The following THADA variants were observed in gnomAD, a reference collection of about 807,000 sequenced individuals.
The protein encoded by THADA is tRNA (32-2'-O)-methyltransferase regulator THADA.
THADA carries 213 observed loss-of-function variants against 219.8 expected under a neutral mutation model. That is an observed-to-expected ratio of 0.97 (90% CI 0.87 to 1.09). THADA has a LOEUF of 1.09. THADA is among the 50% of genes least tolerant of loss of function. The probability of loss-of-function intolerance (pLI) is 0.00; values close to 1 mark genes in which losing one functional copy is unlikely to be tolerated. For synonymous variants in THADA, 1,018 were observed against 828.9 expected (o/e 1.23, Z -3.92); for missense variants, 2,956 against 2,311.3 (o/e 1.28, Z -5.72).
Position 43,231,194 on chromosome 2 carries a change from T to C in THADA, c.5616A>G (p.Gln1872=). The C allele has an allele frequency of 6.2e-7, 1 of 1,613,826 alleles. No individual in the cohort carries two copies. The change falls in exon 38 of 38, where the codon CAA becomes CAG. Residue 1872 remains glutamine, a synonymous_variant. Transcript: ENST00000405975. ...GGTGGCACTGCTCTGACACCATCCTTTGAAGGTGACAGAGCATCTCAGGGC... is the reference window on the plus strand; with the variant it reads ...GGTGGCACTGCTCTGACACCATCCTCTGAAGGTGACAGAGCATCTCAGGGC... ...PPSPEMLCHL[Q]RMVSEQCHLL...
intron 21 of THADA, among the ~76,000 whole-genome samples, chr2:43,534,659 T>C (rs891831500): frequency 6.6e-6 from 1 of 152,244 alleles, no homozygotes; most frequent in Admixed American, 6.5e-5. Flanking sequence ...TTCTTTATTA[T>C]GGCTGAATAG....
intron 26 of THADA, among the ~76,000 whole-genome samples, chr2:43,471,828 G>A (rs1684941713): frequency 6.6e-6 from 1 of 152,048 alleles, no homozygotes; most frequent in South Asian, 2.1e-4. Context: ...TGTGCCTGTT[G>A]GTTTTTGTTT....
At position 43,428,090 on chromosome 2, in the gene THADA, A is replaced by T; in HGVS notation, c.4058+10T>A. ...CCAACCTAGACAATTTCTACACAGC[A>T]TGACACTACCTCATAATGAAGGGAA... On this transcript the variant is annotated intron_variant, in intron 28 of 37. Coordinates refer to ENST00000405975, the MANE Select transcript of THADA (RefSeq NM_022065.5). 1 of 1,600,690 alleles carries T rather than the reference A, an allele frequency of 6.2e-7. No homozygotes were observed. The highest frequency in any genetic ancestry group is 1.1e-5 in the South Asian group (1 of 89,916).
At chr2:43,261,988 T>A (rs1364956063) in intron 36 of THADA, among the ~76,000 whole-genome samples, 1 of 152,192 alleles carries the variant, frequency 6.6e-6, no homozygotes, top group Non-Finnish European at 1.5e-5. Context: ...GCAAGGCTGG[T>A]CTTGAACTCC....
intron 30 of THADA, among the ~76,000 whole-genome samples, chr2:43,321,445 T>C (rs1395685093): frequency 1.3e-5 from 2 of 152,218 alleles, no homozygotes; most frequent in Non-Finnish European, 2.9e-5. Flanking sequence ...AATGCTATTG[T>C]AACACTGTTA....
chr2:43,515,002 A>ATT (rs1231311446), intron 22 of THADA, among the ~76,000 whole-genome samples: 1 of 32,678 alleles, frequency 3.1e-5, no homozygotes, highest in African/African-American at 1.0e-4. Flanking sequence ...AATATATAAT[A>ATT]TTATATATAT....
chr2:43,273,049 G>A (rs1043478254), intron 36 of THADA, among the ~76,000 whole-genome samples: 1 of 152,172 alleles, frequency 6.6e-6, no homozygotes, highest in East Asian at 1.9e-4. Flanking sequence ...AGGAGTTCAA[G>A]ACCAGCCTGG....
chr2:43,284,961 C>T (rs181160713), intron 35 of THADA, among the ~76,000 whole-genome samples: 3 of 152,274 alleles, frequency 2.0e-5, no homozygotes, highest in East Asian at 1.9e-4. Context: ...GCATGGGGCC[C>T]GTAGACCCTT....
At chr2:43,255,991 T>A (rs1041984600) in intron 36 of THADA, among the ~76,000 whole-genome samples, 1 of 152,202 alleles carries the variant, frequency 6.6e-6, no homozygotes, top group Non-Finnish European at 1.5e-5. Flanking sequence ...AGGTGAACTA[T>A]TGAAAGAGCC....
intron 31 of THADA, among the ~76,000 whole-genome samples, chr2:43,310,207 C>A (rs1677327696): frequency 1.1e-5 from 1 of 88,396 alleles, no homozygotes; most frequent in Non-Finnish European, 2.2e-5. Context: ...TCCTCCCTCC[C>A]TCCCTCCCTC....
At chr2:43,530,800 C>CA (rs1389647183) in intron 21 of THADA, among the ~76,000 whole-genome samples, 1 of 152,136 alleles carries the variant, frequency 6.6e-6, no homozygotes, top group African/African-American at 2.4e-5. Flanking sequence ...TAATAAAAAT[C>CA]AAAGACCTCA....
chr2:43,463,955 A>C (rs942687034), intron 26 of THADA, among the ~76,000 whole-genome samples: 1 of 152,196 alleles, frequency 6.6e-6, no homozygotes, highest in Non-Finnish European at 1.5e-5. Flanking sequence ...CTATTTTATT[A>C]GTTATTTTGA....
rs780186214 is a variant in THADA at position 43,230,904 on chromosome 2, G to C, written c.*44C>G. On this transcript the variant is annotated 3_prime_UTR_variant, in exon 38 of 38. Transcript: ENST00000405975. ...ACATGTTTCCTGCAGATTTAGTGGA[G>C]GAAAAATCCACACATACCCCCATCC... is the stretch of plus-strand genomic sequence containing the variant. 2.6e-6 allele frequency: 4 copies of C among 1,533,972 alleles called. No individual in the cohort carries two copies. The African/African-American group carries it at 4.2e-5, about 16-fold the overall frequency.
chr2:43,369,593 G>A (rs978835632), intron 29 of THADA, among the ~76,000 whole-genome samples: 2 of 152,136 alleles, frequency 1.3e-5, no homozygotes, highest in African/African-American at 4.8e-5. Flanking sequence ...ACAAGAATCA[G>A]TTAGGTTGCT....
chr2:43,591,678 T>A (rs756106494), intron 3 of THADA, among the ~76,000 whole-genome samples: 1 of 152,228 alleles, frequency 6.6e-6, no homozygotes, highest in Admixed American at 6.5e-5. Context: ...TGAAGATTCA[T>A]ATATTTTAAA....
At chr2:43,585,403 A>T (rs939167034) in intron 7 of THADA, among the ~76,000 whole-genome samples, 1 of 151,686 alleles carries the variant, frequency 6.6e-6, no homozygotes, top group African/African-American at 2.4e-5. Flanking sequence ...CTGTAGTCCC[A>T]GCTACTTGGG....
intron 31 of THADA, among the ~76,000 whole-genome samples, chr2:43,299,458 A>C (rs368559729): frequency 6.6e-6 from 1 of 152,012 alleles, no homozygotes. Context: ...CAGGAGTTTG[A>C]GACCAACCTG....
At chr2:43,407,918 G>C (rs1040691976) in intron 28 of THADA, among the ~76,000 whole-genome samples, 12 of 150,472 alleles carry the variant, frequency 8.0e-5, no homozygotes, top group Admixed American at 7.9e-4. Flanking sequence ...AAAATGTCCT[G>C]TGCCAATTTT....
rs769583799 is a variant in THADA, at chr2:43,292,174, T to C, written c.4867A>G (p.Thr1623Ala). 3.1e-6 allele frequency: 5 copies of C among 1,612,352 alleles called. No homozygotes were observed. Among genetic ancestry groups the C allele is most frequent in the Non-Finnish European group, 4.2e-6 (5 of 1,179,360 alleles). The change falls in exon 33 of 38, where the codon ACG becomes GCG. Residue 1623 changes from threonine (T) to alanine (A), a missense_variant. Transcript: ENST00000405975. ...GGGGTCAGATGGACACAGTGCTCCGTCTGGGGAAGCCACTCACCAGGGTCC... is the reference window on the plus strand; with the variant it reads ...GGGGTCAGATGGACACAGTGCTCCGCCTGGGGAAGCCACTCACCAGGGTCC... Reference protein sequence around the residue: ...CMDPGEWLPQTEHCVHLTPKE... With the variant: ...CMDPGEWLPQAEHCVHLTPKE...
Sources: allele counts gnomAD v4.1 joint callset (sites outside exome capture counted in the v4.1 genomes callset), GRCh38; gene constraint gnomAD v4.1.1; transcripts MANE v1.5; gene names NCBI Gene and HGNC (gene_info 2026-07-23, HGNC 2026-07-21).